The following MCRIP1 variants were observed in gnomAD, a reference collection of about 807,000 sequenced individuals.
MCRIP1 encodes the protein MAPK regulated corepressor interacting protein 1.
Under a neutral mutation model 14.4 loss-of-function variants are expected in MCRIP1, and 10 were observed. The observed-to-expected ratio is 0.70, with a 90% CI of 0.43 to 1.18. MCRIP1 has a LOEUF of 1.18. Ranked by LOEUF, MCRIP1 falls within the 50% of genes most tolerant of loss-of-function variation. The pLI is 0.00. For missense variants in MCRIP1, 119 were observed against 135.4 expected, an observed-to-expected ratio of 0.88 and a Z score of 0.60; for synonymous variants, 53 against 55.7, an observed-to-expected ratio of 0.95 and a Z score of 0.21.
chr17:81,831,909 G>C (rs35035567), intron 1 of MCRIP1, among the ~76,000 whole-genome samples: 2 of 152,094 alleles, frequency 1.3e-5, no homozygotes, highest in African/African-American at 4.8e-5. Context: ...AGTCGCATTG[G>C]GTAGAACTAT....
intron 1 of MCRIP1, 148 bp from the exon 2 acceptor site, chr17:81,824,702 T>G: frequency 6.8e-7 from 1 of 1,460,934 alleles, no homozygotes; most frequent in South Asian, 1.4e-5. Context: ...CCCCACAGGC[T>G]GGGGTCCAGC....
At chr17:81,829,467 C>T (rs992375406) in intron 1 of MCRIP1, among the ~76,000 whole-genome samples, 1 of 152,246 alleles carries the variant, frequency 6.6e-6, no homozygotes, top group African/African-American at 2.4e-5. Context: ...GTCCCGGCCA[C>T]GGCCCCGTAC....
intron 2 of MCRIP1, 43 bp from the exon 3 acceptor site, chr17:81,824,448 G>C: frequency 1.3e-6 from 2 of 1,533,984 alleles, no homozygotes; most frequent in Non-Finnish European, 8.7e-7. Context: ...CAGCAGGGTG[G>C]GAGCCCACAA....
chr17:81,831,327 A>G (rs2038513254), intron 1 of MCRIP1, among the ~76,000 whole-genome samples: 3 of 151,074 alleles, frequency 2.0e-5, no homozygotes, highest in Admixed American at 1.3e-4. Flanking sequence ...GGAAACAGAG[A>G]CAGAGCAAGA....
chr17:81,829,160 G>A (rs754811322), intron 1 of MCRIP1, among the ~76,000 whole-genome samples: 4 of 152,108 alleles, frequency 2.6e-5, no homozygotes, highest in East Asian at 1.9e-4. Context: ...CACGGCAGAC[G>A]GCCACCTGAG....
At chr17:81,824,901 G>A in intron 1 of MCRIP1, 1 of 1,191,924 alleles carries the variant, frequency 8.4e-7, no homozygotes, top group Admixed American at 4.2e-5. Context: ...TCCCCACGTG[G>A]GCTGGTGGGG....
chr17:81,823,901 A>G lies in MCRIP1; in HGVS notation c.127+386T>C, dbSNP rs1598248051. On this transcript the variant is annotated intron_variant, in intron 3 of 4. Coordinates refer to ENST00000455127, the MANE Select transcript of MCRIP1 (RefSeq NM_207368.5). This position sits in a 1 kb window ranked among gnomAD's most constrained non-coding sequence, Gnocchi z 6.0. Reference sequence around the variant, plus strand: ...AATCCCAGACAACCACCTCCCGGCCACTTCTGCAACACGCCCGTTCATGGC... The same window carrying G: ...AATCCCAGACAACCACCTCCCGGCCGCTTCTGCAACACGCCCGTTCATGGC... 1 of 510,884 alleles carries G rather than the reference A, an allele frequency of 2.0e-6. No individual in the cohort carries two copies. The highest frequency in any genetic ancestry group is 1.9e-5 in the African/African-American group (1 of 51,774). The allele number at this position is 510,884 out of a possible 1,614,324, so 31.6% of individuals were successfully genotyped here.
chr17:81,823,635 C>T lies in MCRIP1; in HGVS notation c.128-122G>A, dbSNP rs988683049. The T allele has an allele frequency of 1.1e-5, 9 of 793,908 alleles. No individual in the cohort carries two copies. The African/African-American group carries it at 1.5e-4, about 14-fold the overall frequency. 49.2% of individuals were successfully genotyped at this position (793,908 alleles called of 1,614,324 possible). On this transcript the variant is annotated intron_variant, in intron 3 of 4. Coordinates refer to ENST00000455127, the MANE Select transcript of MCRIP1 (RefSeq NM_207368.5). The surrounding 1 kb of genome is among the most constrained non-coding windows in gnomAD (Gnocchi z 6.0). Reference sequence around the variant, plus strand: ...TCCTCTTCTCCCTCAGAAGTGTCCTCCATGCTCCCCCACAGCCCTCTGCCC... The same window carrying T: ...TCCTCTTCTCCCTCAGAAGTGTCCTTCATGCTCCCCCACAGCCCTCTGCCC...
At chr17:81,828,986 C>G (rs2038465392) in intron 1 of MCRIP1, among the ~76,000 whole-genome samples, 1 of 152,208 alleles carries the variant, frequency 6.6e-6, no homozygotes, top group African/African-American at 2.4e-5. Flanking sequence ...GGGCAGCAGG[C>G]TGGTGTCTGG....
chr17:81,830,084 G>A (rs578100497), intron 1 of MCRIP1, among the ~76,000 whole-genome samples: 6 of 152,180 alleles, frequency 3.9e-5, no homozygotes, highest in South Asian at 2.1e-4. Flanking sequence ...GCCTGCTTCC[G>A]TGGCCGTCCA....
At position 81,823,105 on chromosome 17, in the gene MCRIP1, T is replaced by C; in HGVS notation, c.*142A>G. 1.3e-6 allele frequency: 1 copy of C among 779,238 alleles called. No homozygotes were observed. Among genetic ancestry groups the C allele is most frequent in the Admixed American group, 2.1e-5 (1 of 46,778 alleles). 48.3% of individuals were successfully genotyped at this position (779,238 alleles called of 1,614,324 possible). A position where few individuals can be genotyped will look rare whatever the true frequency, so the allele number is the denominator to read the frequency against. ...GGGGCTTGGGAAGGAGAGGCAGGCCTCAGCCGTCAGTCACGCCAGTGCTGG... is the reference window on the plus strand; with the variant it reads ...GGGGCTTGGGAAGGAGAGGCAGGCCCCAGCCGTCAGTCACGCCAGTGCTGG... On this transcript the variant is annotated 3_prime_UTR_variant, in exon 5 of 5. Transcript: ENST00000455127. This position sits in a 1 kb window ranked among gnomAD's most constrained non-coding sequence, Gnocchi z 6.0.
At position 81,825,863 on chromosome 17, in the gene MCRIP1, A is replaced by G. The variant is rs759106698; in HGVS notation, c.-48-1309T>C. On this transcript the variant is annotated intron_variant, in intron 1 of 4. Transcript: ENST00000455127. ...CCAGCCCACGAACACCAGAGCACGG[A>G]GGGAAAGGCCTGTTTGGGTTGAGGG... 62 of 1,289,978 alleles carry G rather than the reference A, an allele frequency of 4.8e-5. 1 individual carries two copies. In the South Asian group the frequency reaches 7.0e-4, roughly 15 times the overall value. The allele number at this position is 1,289,978 out of a possible 1,614,324, so 79.9% of individuals were successfully genotyped here. A position where few individuals can be genotyped will look rare whatever the true frequency, so the allele number is the denominator to read the frequency against.
intron 1 of MCRIP1, among the ~76,000 whole-genome samples, chr17:81,832,889 C>T (rs1414869210): frequency 1.3e-5 from 2 of 152,244 alleles, no homozygotes; most frequent in South Asian, 2.1e-4. Flanking sequence ...GAAAGCGGGG[C>T]TCTGTCAGCC....
intron 1 of MCRIP1, among the ~76,000 whole-genome samples, chr17:81,829,033 A>T (rs1310461194): frequency 6.6e-6 from 1 of 152,158 alleles, no homozygotes; most frequent in Admixed American, 6.5e-5. Flanking sequence ...ACATCCATGC[A>T]TGGGGTCCCT....
At position 81,822,652 on chromosome 17, in the gene MCRIP1, C is replaced by G. The variant is rs933565716; in HGVS notation, c.*595G>C. 1.3e-5 allele frequency: 2 copies of G among 156,018 alleles called. No individual in the cohort carries two copies. Among genetic ancestry groups the G allele is most frequent in the Non-Finnish European group, 2.8e-5 (2 of 70,504 alleles). The allele number at this position is 156,018 out of a possible 1,614,324, so 9.7% of individuals were successfully genotyped here. A position where few individuals can be genotyped will look rare whatever the true frequency, so the allele number is the denominator to read the frequency against. Reference sequence around the variant, plus strand: ...TTGCTGGGGACCCCCTTGGGGGGCCCGGCAGTATCCTAGGCCCAAAGAGCT... The same window carrying G: ...TTGCTGGGGACCCCCTTGGGGGGCCGGGCAGTATCCTAGGCCCAAAGAGCT... On this transcript the variant is annotated 3_prime_UTR_variant, in exon 5 of 5. Coordinates refer to ENST00000455127, the MANE Select transcript of MCRIP1 (RefSeq NM_207368.5).
At position 81,827,112 on chromosome 17, in the gene MCRIP1, C is replaced by T. The variant is rs554940865; in HGVS notation, c.-48-2558G>A. On this transcript the variant is annotated intron_variant, in intron 1 of 4. Transcript: ENST00000455127. ...CAGCTTGGGCGACAGAGCAAGACTCCGTCTAAAAGAAAAAAAAAAAAAGCC... is the reference window on the plus strand; with the variant it reads ...CAGCTTGGGCGACAGAGCAAGACTCTGTCTAAAAGAAAAAAAAAAAAAGCC... Among the ~76,000 whole-genome samples the T allele has an allele frequency of 1.5e-3, 228 of 148,104 alleles. 2 individuals are homozygous for T. Among genetic ancestry groups the T allele is most frequent in the African/African-American group, 5.4e-3 (219 of 40,450 alleles).
chr17:81,823,934 G>A lies in MCRIP1; in HGVS notation c.127+353C>T, dbSNP rs1323951716. 3.3e-5 allele frequency: 17 copies of A among 513,408 alleles called. No homozygotes were observed. Among genetic ancestry groups the A allele is most frequent in the South Asian group, 5.0e-5 (2 of 39,652 alleles). 31.8% of individuals were successfully genotyped at this position (513,408 alleles called of 1,614,324 possible). A position where few individuals can be genotyped will look rare whatever the true frequency, so the allele number is the denominator to read the frequency against. ...AACACGCCCGTTCATGGCTGGATGCGTGCCTGTCTGTCTTCAAAGGCCCCT... is the reference window on the plus strand; with the variant it reads ...AACACGCCCGTTCATGGCTGGATGCATGCCTGTCTGTCTTCAAAGGCCCCT... On this transcript the variant is annotated intron_variant, in intron 3 of 4. Coordinates refer to ENST00000455127, the MANE Select transcript of MCRIP1 (RefSeq NM_207368.5). This position sits in a 1 kb window ranked among gnomAD's most constrained non-coding sequence, Gnocchi z 6.0.
rs564882353 is a variant in MCRIP1 at position 81,824,626 on chromosome 17, G to C, written c.-48-72C>G. On this transcript the variant is annotated intron_variant, in intron 1 of 4. Coordinates refer to ENST00000455127, the MANE Select transcript of MCRIP1 (RefSeq NM_207368.5). ...CAGCACAGAAGGAGGGGGAGGCGCA[G>C]GGCACACCTGCCTCCTCCCTTCAGA... is the stretch of plus-strand genomic sequence containing the variant. The C allele has an allele frequency of 9.8e-4, 1,500 of 1,532,052 alleles. 11 individuals carry two copies. The highest frequency in any genetic ancestry group is 6.1e-3 in the Middle Eastern group (36 of 5,940). The allele number at this position is 1,532,052 out of a possible 1,614,324, so 94.9% of individuals were successfully genotyped here.
intron 1 of MCRIP1, chr17:81,826,344 C>T (rs1284352846): frequency 1.3e-6 from 2 of 1,535,650 alleles, no homozygotes; most frequent in East Asian, 2.4e-5. Context: ...TACACACCTG[C>T]CCACACACAT....
Sources: allele counts gnomAD v4.1 joint callset (sites outside exome capture counted in the v4.1 genomes callset), GRCh38; gene constraint gnomAD v4.1.1; non-coding constraint Gnocchi (gnomAD v3.1); transcripts MANE v1.5; gene names NCBI Gene and HGNC (gene_info 2026-07-23, HGNC 2026-07-21).